The following MSH5 variants were observed in gnomAD, a reference collection of about 807,000 sequenced individuals.
MSH5 encodes the protein mutS protein homolog 5.
A neutral mutation model predicts 107.7 loss-of-function variants in MSH5; 78 were observed. The observed-to-expected ratio is 0.72, with a 90% CI of 0.60 to 0.87. The LOEUF (loss-of-function observed/expected upper bound fraction) is 0.87, where lower values mean the gene tolerates loss of function less well. Ranked by LOEUF, MSH5 falls within the 40% of genes least tolerant of loss-of-function variation. The pLI, the probability that MSH5 is intolerant of heterozygous loss-of-function variation, is 0.00. For missense variants in MSH5, 889 were observed against 1,046.6 expected, an observed-to-expected ratio of 0.85 and a Z score of 2.08; for synonymous variants, 326 against 399.5, an observed-to-expected ratio of 0.82 and a Z score of 2.19.
chr6:31,749,879 G>A lies in MSH5; in HGVS notation c.812+2447G>A, dbSNP rs141983210. Among the ~76,000 whole-genome samples, 268 of 152,276 alleles carry A rather than the reference G, an allele frequency of 1.8e-3. 7 individuals are homozygous for A. The highest frequency in any genetic ancestry group is 0.017 in the Admixed American group (262 of 15,284). ...GTGGAAACCTTTGCTAGCCTCAGGT[G>A]CACAATCCTTCCCCTACCTCACCTC... On this transcript the variant is annotated intron_variant, in intron 10 of 24. Coordinates refer to ENST00000375750, the MANE Select transcript of MSH5 (RefSeq NM_172166.4).
In MSH5 at chr6:31,760,355, C is replaced by T. The variant is rs1810880131; in HGVS notation, c.1812+139C>T. The T allele has an allele frequency of 8.3e-7, 1 of 1,207,868 alleles. No homozygotes were observed. The highest frequency in any genetic ancestry group is 2.4e-5 in the East Asian group (1 of 41,160). The allele number at this position is 1,207,868 out of a possible 1,614,324, so 74.8% of individuals were successfully genotyped here. On this transcript the variant is annotated intron_variant, in intron 19 of 24. Transcript: ENST00000375750. This position sits in a 1 kb window ranked among gnomAD's most constrained non-coding sequence, Gnocchi z 5.6. ...TCATGAAAGGACCATCACCCACATC[C>T]CTGTGCTTCCACCTCACATGTTCTT... is the stretch of plus-strand genomic sequence containing the variant.
Position 31,761,655 on chromosome 6 carries a change from G to T in MSH5, c.2181+40G>T, listed in dbSNP as rs1248381933. 1 of 1,613,650 alleles carries T rather than the reference G, an allele frequency of 6.2e-7. No individual in the cohort carries two copies. Among genetic ancestry groups the T allele is most frequent in the African/African-American group, 1.3e-5 (1 of 74,936 alleles). ...CTAGCTCCTCGGGGACCCCCAGGCT[G>T]GGCATTTCCCAGAGGTGGGGATTGG... On this transcript the variant is annotated intron_variant, in intron 22 of 24. Transcript: ENST00000375750. This position sits in a 1 kb window ranked among gnomAD's most constrained non-coding sequence, Gnocchi z 5.3.
intron 9 of MSH5, among the ~76,000 whole-genome samples, chr6:31,746,845 C>T (rs891523547): frequency 6.7e-6 from 1 of 149,624 alleles, no homozygotes; most frequent in Admixed American, 6.6e-5. Flanking sequence ...TGTTTTGAGA[C>T]GGAGTCTTGC....
chr6:31,758,919 G>A lies in MSH5; in HGVS notation c.1326+44G>A, dbSNP rs377045431. The A allele has an allele frequency of 4.8e-5, 74 of 1,538,260 alleles. No homozygotes were observed. The highest frequency in any genetic ancestry group is 6.3e-5 in the Non-Finnish European group (70 of 1,111,596). On this transcript the variant is annotated intron_variant, in intron 15 of 24. Transcript: ENST00000375750. This position sits in a 1 kb window ranked among gnomAD's most constrained non-coding sequence, Gnocchi z 5.1. ...GTGTAGCCTTCAGATGTCTTTTGGG[G>A]GAGATATTAGGCTTATGAAAGACAT...
At position 31,744,582 on chromosome 6, in the gene MSH5, G is replaced by A; in HGVS notation, c.683+1G>A. ...TGAACATAGATCAAGACACTTACAG[G>A]TAAAGAGGTGGAGGCATGCTGCTGT... On this transcript the variant is annotated splice_donor_variant, in intron 8 of 24. Transcript: ENST00000375750. LOFTEE classifies it high-confidence loss of function. 1 of 1,613,182 alleles carries A rather than the reference G, an allele frequency of 6.2e-7. No individual in the cohort carries two copies. Among genetic ancestry groups the A allele is most frequent in the Non-Finnish European group, 8.5e-7 (1 of 1,180,008 alleles).
At position 31,743,177 on chromosome 6, in the gene MSH5, C is replaced by T; in HGVS notation, c.415+7C>T. The T allele has an allele frequency of 6.2e-7, 1 of 1,612,704 alleles. No individual in the cohort carries two copies. The highest frequency in any genetic ancestry group is 8.5e-7 in the Non-Finnish European group (1 of 1,179,804). On this transcript the variant is annotated splice_region_variant and intron_variant, in intron 5 of 24. Transcript: ENST00000375750. ...TTGCCAAGTGTGGATTTTGGTATCT[C>T]CTTCCTTTTGCTTTGCCTAACTCCC... is the stretch of plus-strand genomic sequence containing the variant.
Position 31,741,207 on chromosome 6 carries a change from C to T in MSH5, c.192C>T (p.Ala64=). Residue 64 remains alanine (A), a synonymous_variant, in exon 3 of 25, where the codon GCC becomes GCT. Coordinates refer to ENST00000375750, the MANE Select transcript of MSH5 (RefSeq NM_172166.4). ...VLWNSGYLGI[A]YYDTSDSTIH... ...GGAATTCAGGATACTTGGGCATTGCCTACTATGATACTAGTGACTCCACTA... is the reference window on the plus strand; with the variant it reads ...GGAATTCAGGATACTTGGGCATTGCTTACTATGATACTAGTGACTCCACTA... 1 of 1,612,956 alleles carries T rather than the reference C, an allele frequency of 6.2e-7. No individual in the cohort carries two copies. The highest frequency in any genetic ancestry group is 8.5e-7 in the Non-Finnish European group (1 of 1,180,008).
intron 12 of MSH5, among the ~76,000 whole-genome samples, chr6:31,756,395 C>A (rs1003211367): frequency 3.9e-5 from 6 of 152,110 alleles, no homozygotes; most frequent in Admixed American, 1.3e-4. Context: ...TGGTCTTGAT[C>A]TCTTGACCTC....
chr6:31,757,798 T>C, intron 12 of MSH5: 1 of 292,668 alleles, frequency 3.4e-6, no homozygotes, highest in Non-Finnish European at 6.4e-6. Context: ...GCCTCCCAAG[T>C]AGCTGGAATT....
Position 31,758,984 on chromosome 6 carries a change from A to G in MSH5, c.1326+109A>G, listed in dbSNP as rs1810710483. On this transcript the variant is annotated intron_variant, in intron 15 of 24. Transcript: ENST00000375750. This position sits in a 1 kb window ranked among gnomAD's most constrained non-coding sequence, Gnocchi z 5.1. ...AAACTTGTGGGGCAGCCTGAAGAAC[A>G]TGAACACTTTTTTGTGGGGATACAG... 2.1e-6 allele frequency: 3 copies of G among 1,410,036 alleles called. No homozygotes were observed. Among genetic ancestry groups the G allele is most frequent in the Admixed American group, 1.7e-5 (1 of 59,048 alleles). 87.3% of individuals were successfully genotyped at this position (1,410,036 alleles called of 1,614,324 possible).
chr6:31,761,389 C>T lies in MSH5; in HGVS notation c.2038-83C>T, dbSNP rs866458238. On this transcript the variant is annotated intron_variant, in intron 21 of 24. Transcript: ENST00000375750. This position sits in a 1 kb window ranked among gnomAD's most constrained non-coding sequence, Gnocchi z 5.3. ...GTGTGGGCAGAAAAGAAATAGAACA[C>T]GAGACAGGGAAAGGCAGTGCAAGTG... The T allele has an allele frequency of 2.5e-6, 4 of 1,603,946 alleles. No homozygotes were observed. Among genetic ancestry groups the T allele is most frequent in the Non-Finnish European group, 2.6e-6 (3 of 1,174,090 alleles).
intron 3 of MSH5, among the ~76,000 whole-genome samples, chr6:31,741,965 A>G (rs569704180): frequency 6.6e-6 from 1 of 152,086 alleles, no homozygotes; most frequent in South Asian, 2.1e-4. Context: ...TCTCTCAGGA[A>G]CTAATAGAGT....
In MSH5 at chr6:31,740,995, G is replaced by T. The variant is rs995284205; in HGVS notation, c.148-168G>T. On this transcript the variant is annotated intron_variant, in intron 2 of 24. Coordinates refer to ENST00000375750, the MANE Select transcript of MSH5 (RefSeq NM_172166.4). This position sits in a 1 kb window ranked among gnomAD's most constrained non-coding sequence, Gnocchi z 4.4. ...AAGAAAAAAAAAACAGGGTTGGGAAGAGCTGGGCAAGTCTCTTACCTCCTG... is the reference window on the plus strand; with the variant it reads ...AAGAAAAAAAAAACAGGGTTGGGAATAGCTGGGCAAGTCTCTTACCTCCTG... 6.6e-6 allele frequency among the ~76,000 whole-genome samples: 1 copy of T among 152,006 alleles called. No individual in the cohort carries two copies. The highest frequency in any genetic ancestry group is 2.4e-5 in the African/African-American group (1 of 41,392).
chr6:31,761,267 G>A lies in MSH5; in HGVS notation c.2037+5G>A, dbSNP rs1252967695. The stretch of plus-strand genomic sequence containing the variant: ...TTTGGAAAGGGAACCAACACGGTGA[G>A]GGGAGAAACTGATGAGGGGAGAAAC... On this transcript the variant is annotated splice_donor_5th_base_variant and intron_variant, in intron 21 of 24. Coordinates refer to ENST00000375750, the MANE Select transcript of MSH5 (RefSeq NM_172166.4). The surrounding 1 kb of genome is among the most constrained non-coding windows in gnomAD (Gnocchi z 5.3). 6.2e-7 allele frequency: 1 copy of A among 1,613,166 alleles called. No homozygotes were observed. The highest frequency in any genetic ancestry group is 2.2e-5 in the East Asian group (1 of 44,872).
In MSH5 at chr6:31,760,678, T is replaced by A; in HGVS notation, c.1813-12T>A. ...GCACCAGGCCCCAGGCCCTGTCTCC[T>A]TCCCTATTCAGGTAGGCTTGATCAC... is the stretch of plus-strand genomic sequence containing the variant. On this transcript the variant is annotated splice_polypyrimidine_tract_variant and intron_variant, in intron 19 of 24. Transcript: ENST00000375750. The surrounding 1 kb of genome is among the most constrained non-coding windows in gnomAD (Gnocchi z 5.6). 6.2e-7 allele frequency: 1 copy of A among 1,612,862 alleles called. No individual in the cohort carries two copies. Among genetic ancestry groups the A allele is most frequent in the Non-Finnish European group, 8.5e-7 (1 of 1,180,040 alleles).
In MSH5 at chr6:31,759,075, A is replaced by G. The variant is rs767719723; in HGVS notation, c.1327-22A>G. 7 of 1,594,870 alleles carry G rather than the reference A, an allele frequency of 4.4e-6. No homozygotes were observed. The highest frequency in any genetic ancestry group is 1.7e-5 in the Admixed American group (1 of 59,996). ...AAGTCTCCAAGCAGGAGAGTAGAGT[A>G]TCTCCTCTTTACTCTCCCCAGATTG... On this transcript the variant is annotated intron_variant, in intron 15 of 24. Transcript: ENST00000375750. This position sits in a 1 kb window ranked among gnomAD's most constrained non-coding sequence, Gnocchi z 4.7.
chr6:31,757,856 G>A (rs923697981), intron 12 of MSH5: 4 of 445,096 alleles, frequency 9.0e-6, no homozygotes, highest in Non-Finnish European at 1.6e-5. Context: ...TTTGAGTAGA[G>A]ACAGGGTTTC....
chr6:31,746,749 C>T (rs1480397258), intron 9 of MSH5, among the ~76,000 whole-genome samples: 3 of 152,094 alleles, frequency 2.0e-5, no homozygotes, highest in African/African-American at 7.2e-5. Context: ...CCCTGCCCGG[C>T]CAGCTATTGA....
Position 31,762,660 on chromosome 6 carries a change from A to G in MSH5, c.*129A>G, listed in dbSNP as rs14649. ...AAATTTTGTTTCATATTAGGAATAA[A>G]GTTTATTTTGAAGAAAGATATTGTT... is the stretch of plus-strand genomic sequence containing the variant. On this transcript the variant is annotated 3_prime_UTR_variant, in exon 25 of 25. Coordinates refer to ENST00000375750, the MANE Select transcript of MSH5 (RefSeq NM_172166.4). 1.6e-6 allele frequency: 1 copy of G among 614,044 alleles called. No homozygotes were observed. Among genetic ancestry groups the G allele is most frequent in the Non-Finnish European group, 2.9e-6 (1 of 348,504 alleles). 38.0% of individuals were successfully genotyped at this position (614,044 alleles called of 1,614,324 possible).
Sources: gnomAD v4.1 joint callset for allele counts (sites outside exome capture counted in the v4.1 genomes callset) on GRCh38, gnomAD v4.1.1 for gene constraint, Gnocchi (gnomAD v3.1) non-coding constraint, MANE v1.5 for transcripts, NCBI Gene and HGNC (gene_info 2026-07-23, HGNC 2026-07-21) for gene names.